Variants in PTPRM observed in about 807,000 individuals in gnomAD.
PTPRM encodes protein tyrosine phosphatase receptor type M.
Under a neutral mutation model 186.7 loss-of-function variants are expected in PTPRM, and 47 were observed. That is an observed-to-expected ratio of 0.25 (90% CI 0.20 to 0.32). The LOEUF (loss-of-function observed/expected upper bound fraction) is 0.32. PTPRM is among the 10% of genes least tolerant of loss of function. The pLI, the probability that PTPRM is intolerant of heterozygous loss-of-function variation, is 1.00. For missense variants in PTPRM, 1,494 were observed against 1,865.0 expected (o/e 0.80, Z 3.66); for synonymous variants, 668 against 674.9 (o/e 0.99, Z 0.16).
chr18:8,009,953 T>G lies in PTPRM; in HGVS notation c.1132+54539T>G, dbSNP rs1426660773. On this transcript the variant is annotated intron_variant, in intron 7 of 32. Coordinates refer to ENST00000580170, the MANE Select transcript of PTPRM (RefSeq NM_001105244.2). ...AATACCTACCTGAATATAAACTTAC[T>G]TTACATTCCTACTAATAGTAAGGCA... 2.0e-5 allele frequency among the ~76,000 whole-genome samples: 3 copies of G among 152,302 alleles called. No individual in the cohort carries two copies. In the East Asian group the frequency reaches 5.8e-4, roughly 29 times the overall value.
chr18:7,961,079 A>C (rs777254142), intron 7 of PTPRM, among the ~76,000 whole-genome samples: 120 of 152,302 alleles, frequency 7.9e-4, no homozygotes, highest in Non-Finnish European at 1.1e-3. Flanking sequence ...TGTAATAATC[A>C]CATCGGGGTA....
intron 2 of PTPRM, among the ~76,000 whole-genome samples, chr18:7,858,482 C>T (rs763254956): frequency 2.1e-4 from 32 of 152,246 alleles, no homozygotes; most frequent in Admixed American, 3.3e-4. Flanking sequence ...TGATCGCTTG[C>T]GCCCAGGAGT....
intron 11 of PTPRM, among the ~76,000 whole-genome samples, chr18:8,106,017 C>T (rs531881667): frequency 2.0e-5 from 3 of 152,262 alleles, no homozygotes; most frequent in Non-Finnish European, 4.4e-5. Flanking sequence ...GCTTCTTTCC[C>T]GGCCCACCCT....
chr18:7,592,552 A>G (rs1230789467), intron 1 of PTPRM, among the ~76,000 whole-genome samples: 1 of 152,146 alleles, frequency 6.6e-6, no homozygotes, highest in East Asian at 1.9e-4. Flanking sequence ...TCCTGACGCT[A>G]CCCCCAGTTA....
At chr18:8,177,550 T>G (rs536872494) in intron 14 of PTPRM, among the ~76,000 whole-genome samples, 17 of 152,346 alleles carry the variant, frequency 1.1e-4, no homozygotes, top group Admixed American at 2.0e-4. Context: ...GGCTAAGGCT[T>G]GTTATACTTG....
At chr18:7,772,774 A>G (rs187985503) in intron 1 of PTPRM, among the ~76,000 whole-genome samples, 21 of 152,274 alleles carry the variant, frequency 1.4e-4, no homozygotes, top group Admixed American at 1.2e-3. Flanking sequence ...CTTCTTGCCA[A>G]CAGGACACAC....
intron 31 of PTPRM, among the ~76,000 whole-genome samples, chr18:8,392,736 A>T (rs780374894): frequency 6.6e-5 from 10 of 152,204 alleles, no homozygotes; most frequent in Non-Finnish European, 1.3e-4. Flanking sequence ...GAGTAAAGAA[A>T]TAAAACAGGC....
rs78429364 is a variant in PTPRM, at chr18:8,390,163, C to A, written c.4208+2928C>A. 3.3e-5 allele frequency among the ~76,000 whole-genome samples: 5 copies of A among 152,270 alleles called. No homozygotes were observed. In the South Asian group the frequency reaches 1.0e-3, roughly 32 times the overall value. On this transcript the variant is annotated intron_variant, in intron 31 of 32. Transcript: ENST00000580170. ...AGAAGAGACAGTCCAGGGACAGATC[C>A]GTACCTCAGCGTCATCTGACTTACA...
intron 14 of PTPRM, among the ~76,000 whole-genome samples, chr18:8,219,631 ATTAGT>A (rs1186188545): frequency 2.6e-5 from 4 of 152,208 alleles, no homozygotes; most frequent in African/African-American, 7.2e-5. Flanking sequence ...GAAGATATTG[ATTAGT>A]TTAGCCCATA....
At chr18:7,643,305 G>A in intron 1 of PTPRM, among the ~76,000 whole-genome samples, 1 of 151,966 alleles carries the variant, frequency 6.6e-6, no homozygotes, top group East Asian at 1.9e-4. Flanking sequence ...TGTTTCTTAA[G>A]GCCAAAAGGT....
At position 7,778,652 on chromosome 18, in the gene PTPRM, G is replaced by A. The variant is rs535877595; in HGVS notation, c.196+4381G>A. On this transcript the variant is annotated intron_variant, in intron 2 of 32. Transcript: ENST00000580170. ...CCACCACCACACCCAGCTAGTTTTT[G>A]TATTTTTAGTAGAGACGAGGTTTCA... 3.3e-5 allele frequency among the ~76,000 whole-genome samples: 5 copies of A among 151,944 alleles called. No individual in the cohort carries two copies. In the East Asian group the frequency reaches 5.8e-4, roughly 18 times the overall value.
At chr18:8,045,882 T>C (rs1363891649) in intron 7 of PTPRM, among the ~76,000 whole-genome samples, 1 of 152,202 alleles carries the variant, frequency 6.6e-6, no homozygotes, top group African/African-American at 2.4e-5. Flanking sequence ...TAAGAATGAT[T>C]GTAATAGCAG....
At chr18:8,283,083 A>G (rs1601622126) in intron 19 of PTPRM, among the ~76,000 whole-genome samples, 1 of 152,134 alleles carries the variant, frequency 6.6e-6, no homozygotes, top group South Asian at 2.1e-4. Context: ...TTCAGTGCCT[A>G]TTCAGAGATT....
chr18:8,218,745 G>A (rs969992336), intron 14 of PTPRM, among the ~76,000 whole-genome samples: 3 of 152,158 alleles, frequency 2.0e-5, no homozygotes, highest in South Asian at 4.2e-4. Flanking sequence ...AAACTTACAC[G>A]CATACAAAGG....
In PTPRM at chr18:8,117,643, G is replaced by T. The variant is rs116228351; in HGVS notation, c.2167+2816G>T. ...TATTATATATCTCCATACGTGTGGG[G>T]GATTGCCTATATTTTTATGCATCCT... On this transcript the variant is annotated intron_variant, in intron 13 of 32. Coordinates refer to ENST00000580170, the MANE Select transcript of PTPRM (RefSeq NM_001105244.2). Among the ~76,000 whole-genome samples, 630 of 152,104 alleles carry T rather than the reference G, an allele frequency of 4.1e-3. 4 individuals are homozygous for T. Among genetic ancestry groups the T allele is most frequent in the African/African-American group, 0.015 (608 of 41,478 alleles).
In PTPRM at chr18:8,359,706, G is replaced by A. The variant is rs990395081; in HGVS notation, c.3055-11184G>A. On this transcript the variant is annotated intron_variant, in intron 23 of 32. Transcript: ENST00000580170. Reference sequence around the variant, plus strand: ...GGGACCGATGCATCACAGCCTGAGCGGTTTTACAGTGTGGTTCCAGCACAT... The same window carrying A: ...GGGACCGATGCATCACAGCCTGAGCAGTTTTACAGTGTGGTTCCAGCACAT... Among the ~76,000 whole-genome samples, 5 of 152,206 alleles carry A rather than the reference G, an allele frequency of 3.3e-5. No homozygotes were observed. In the South Asian group the frequency reaches 6.2e-4, roughly 19 times the overall value.
At chr18:7,990,242 A>G (rs551193140) in intron 7 of PTPRM, among the ~76,000 whole-genome samples, 2 of 152,212 alleles carry the variant, frequency 1.3e-5, no homozygotes, top group Non-Finnish European at 1.5e-5. Context: ...CTTTCCATCT[A>G]TCCTAACACT....
chr18:8,346,761 G>A (rs1568797959), intron 23 of PTPRM, among the ~76,000 whole-genome samples: 3 of 150,906 alleles, frequency 2.0e-5, no homozygotes, highest in East Asian at 1.9e-4. Flanking sequence ...TTTTTGTTCC[G>A]CACACCAAAT....
chr18:7,987,527 C>T (rs866645883), intron 7 of PTPRM, among the ~76,000 whole-genome samples: 1 of 152,056 alleles, frequency 6.6e-6, no homozygotes, highest in South Asian at 2.1e-4. Context: ...CCATGATCTG[C>T]GGTGAGTGGA....
Sources: allele counts gnomAD v4.1 joint callset (sites outside exome capture counted in the v4.1 genomes callset), GRCh38; gene constraint gnomAD v4.1.1; transcripts MANE v1.5; gene names NCBI Gene and HGNC (gene_info 2026-07-23, HGNC 2026-07-21).